TMEM255B: variants seen among roughly 807,000 people sequenced by gnomAD.
The protein encoded by TMEM255B is family with sequence similarity 70, member B.
A neutral mutation model predicts 34.5 loss-of-function variants in TMEM255B; 35 were observed. The ratio of observed to expected loss-of-function variants is 1.01; its 90% CI spans 0.77 to 1.34. The LOEUF (loss-of-function observed/expected upper bound fraction) is 1.34. TMEM255B is among the 40% of genes most tolerant of loss of function. The pLI is 0.00. For missense variants in TMEM255B, 432 were observed against 433.2 expected (o/e 1.00, Z 0.02); for synonymous variants, 206 against 201.2 (o/e 1.02, Z -0.20).
chr13:113,769,954 G>C lies in TMEM255B; in HGVS notation c.252+794G>C, dbSNP rs1033562058. 1 of 152,280 alleles carries C rather than the reference G, an allele frequency of 6.6e-6. No homozygotes were observed. Among genetic ancestry groups the C allele is most frequent in the Non-Finnish European group, 1.5e-5 (1 of 68,168 alleles). 9.4% of individuals were successfully genotyped at this position (152,280 alleles called of 1,614,324 possible). A position where few individuals can be genotyped will look rare whatever the true frequency, so the allele number is the denominator to read the frequency against. ...CTGTCATGTTACTGTATCATCCAGC[G>C]TGCAAATGACCTGTGTCGGGCCCCC... is the stretch of plus-strand genomic sequence containing the variant. On this transcript the variant is annotated intron_variant, in intron 3 of 8. Coordinates refer to ENST00000375353, the MANE Select transcript of TMEM255B (RefSeq NM_182614.4). The surrounding 1 kb of genome is among the most constrained non-coding windows in gnomAD (Gnocchi z 4.2).
At chr13:113,775,757 G>A (rs983150763) in intron 3 of TMEM255B, among the ~76,000 whole-genome samples, 1 of 152,216 alleles carries the variant, frequency 6.6e-6, no homozygotes, top group East Asian at 1.9e-4. Flanking sequence ...GTCCTGCCGG[G>A]CCCACAGCCT....
chr13:113,811,876 G>A lies in TMEM255B; in HGVS notation c.954G>A (p.Gly318=). 1.2e-6 allele frequency: 2 copies of A among 1,613,322 alleles called. No homozygotes were observed. Among genetic ancestry groups the A allele is most frequent in the Non-Finnish European group, 1.7e-6 (2 of 1,179,554 alleles). The change falls in exon 9 of 9, where the codon GGG becomes GGA. Residue 318 remains glycine (G), a synonymous_variant. Coordinates refer to ENST00000375353, the MANE Select transcript of TMEM255B (RefSeq NM_182614.4). Reference sequence around the variant, plus strand: ...ACGCACCCACCTACTTTCCCCCGGGGGAGAAGCCACCCCCCTACGCACCCT... The same window carrying A: ...ACGCACCCACCTACTTTCCCCCGGGAGAGAAGCCACCCCCCTACGCACCCT... ...PCYAPTYFPP[G]EKPPPYAP
chr13:113,803,964 GC>G (rs2051115737), intron 7 of TMEM255B, among the ~76,000 whole-genome samples: 1 of 19,352 alleles, frequency 5.2e-5, no homozygotes, highest in African/African-American at 1.6e-4. Context: ...CCAGCCCCTC[GC>G]AGCGGCTCTG....
intron 3 of TMEM255B, among the ~76,000 whole-genome samples, chr13:113,788,004 G>T (rs1467971428): frequency 8.0e-6 from 1 of 125,330 alleles, no homozygotes; most frequent in Non-Finnish European, 1.7e-5. Context: ...GCAGCTCCAG[G>T]TGTCGGCCAG....
Position 113,762,845 on chromosome 13 carries a change from T to C in TMEM255B, c.47-3270T>C, listed in dbSNP as rs76905507. On this transcript the variant is annotated intron_variant, in intron 1 of 8. Coordinates refer to ENST00000375353, the MANE Select transcript of TMEM255B (RefSeq NM_182614.4). ...CGAAGCAGACGCTGAGTCATCTGGTTAACTATTTTGAGCATAATATTATAT... is the reference window on the plus strand; with the variant it reads ...CGAAGCAGACGCTGAGTCATCTGGTCAACTATTTTGAGCATAATATTATAT... Among the ~76,000 whole-genome samples, 716 of 152,356 alleles carry C rather than the reference T, an allele frequency of 4.7e-3. 1 individual carries two copies. Among genetic ancestry groups the C allele is most frequent in the African/African-American group, 0.016 (683 of 41,572 alleles).
At position 113,806,937 on chromosome 13, in the gene TMEM255B, G is replaced by A. The variant is rs142479538; in HGVS notation, c.813+1909G>A. On this transcript the variant is annotated intron_variant, in intron 8 of 8. Coordinates refer to ENST00000375353, the MANE Select transcript of TMEM255B (RefSeq NM_182614.4). This position sits in a 1 kb window ranked among gnomAD's most constrained non-coding sequence, Gnocchi z 4.2. ...TTGGAATCGCATGGGTGCCAAGAACGTGCAGCCCAGAGCATAGCCTCGGTG... is the reference window on the plus strand; with the variant it reads ...TTGGAATCGCATGGGTGCCAAGAACATGCAGCCCAGAGCATAGCCTCGGTG... Among the ~76,000 whole-genome samples the A allele has an allele frequency of 5.9e-5, 9 of 152,292 alleles. No homozygotes were observed. The East Asian group carries it at 9.6e-4, about 16-fold the overall frequency.
chr13:113,794,870 G>A (rs1004971528), intron 3 of TMEM255B, among the ~76,000 whole-genome samples: 1 of 152,224 alleles, frequency 6.6e-6, no homozygotes, highest in Non-Finnish European at 1.5e-5. Context: ...CTGCCGTCTG[G>A]GGTTGCTTCT....
intron 4 of TMEM255B, among the ~76,000 whole-genome samples, chr13:113,797,100 A>G (rs908423589): frequency 8.5e-5 from 13 of 152,170 alleles, no homozygotes; most frequent in African/African-American, 2.4e-4. Context: ...AGCAGGGTCC[A>G]GTCTCTGACC....
At chr13:113,801,860 C>G in intron 7 of TMEM255B, 48 bp downstream of exon 7, 5 of 1,515,124 alleles carry the variant, frequency 3.3e-6, no homozygotes, top group Non-Finnish European at 3.5e-6. Context: ...AGCCGGGGCT[C>G]CGGGTCCATT....
chr13:113,767,908 G>A (rs1011353404), intron 2 of TMEM255B, among the ~76,000 whole-genome samples: 3 of 152,190 alleles, frequency 2.0e-5, no homozygotes, highest in East Asian at 1.9e-4. Flanking sequence ...TATTTTTGAC[G>A]TGTGGAGTTG....
chr13:113,802,683 C>T (rs553634198), intron 7 of TMEM255B, among the ~76,000 whole-genome samples: 15 of 124,500 alleles, frequency 1.2e-4, no homozygotes, highest in East Asian at 1.2e-3. Flanking sequence ...CAGCTGGGAA[C>T]CCTCCTGCCA....
chr13:113,794,517 G>C (rs183847942), intron 3 of TMEM255B, among the ~76,000 whole-genome samples: 1 of 152,198 alleles, frequency 6.6e-6, no homozygotes, highest in Non-Finnish European at 1.5e-5. Context: ...GCCCAGCGTG[G>C]TACCAAGCCA....
At chr13:113,798,882 ATGGT>A (rs1485970662) in intron 4 of TMEM255B, among the ~76,000 whole-genome samples, 4 of 152,010 alleles carry the variant, frequency 2.6e-5, no homozygotes, top group Admixed American at 2.6e-4. Context: ...GATTGGATGG[ATGGT>A]TGGGTGGGTG....
intron 2 of TMEM255B, 195 bp downstream of exon 2, chr13:113,766,452 C>A: frequency 2.5e-6 from 2 of 801,692 alleles, no homozygotes; most frequent in Non-Finnish European, 4.2e-6. Flanking sequence ...GTGGCAGGTC[C>A]AAGGCAGAGG....
At chr13:113,808,360 G>A (rs1004797570) in intron 8 of TMEM255B, among the ~76,000 whole-genome samples, 4 of 152,190 alleles carry the variant, frequency 2.6e-5, no homozygotes, top group African/African-American at 7.2e-5. Context: ...TTCCTGCCCC[G>A]TTACTAAGAA....
chr13:113,770,163 G>A lies in TMEM255B; in HGVS notation c.252+1003G>A, dbSNP rs140224608. 1.8e-3 allele frequency among the ~76,000 whole-genome samples: 268 copies of A among 152,356 alleles called. 1 individual carries two copies. Among genetic ancestry groups the A allele is most frequent in the African/African-American group, 6.0e-3 (248 of 41,592 alleles). On this transcript the variant is annotated intron_variant, in intron 3 of 8. Coordinates refer to ENST00000375353, the MANE Select transcript of TMEM255B (RefSeq NM_182614.4). The surrounding 1 kb of genome is among the most constrained non-coding windows in gnomAD (Gnocchi z 4.6). ...CTCACAGTTCCACGTGGCTGGGGAA[G>A]CCTCACGATCACGGCGGAAGGTAAG...
Position 113,814,367 on chromosome 13 carries a change from A to G in TMEM255B, c.*2464A>G, listed in dbSNP as rs1183583516. 1.3e-5 allele frequency: 2 copies of G among 152,264 alleles called. No individual in the cohort carries two copies. Among genetic ancestry groups the G allele is most frequent in the South Asian group, 2.1e-4 (1 of 4,834 alleles). 9.4% of individuals were successfully genotyped at this position (152,264 alleles called of 1,614,324 possible). On this transcript the variant is annotated 3_prime_UTR_variant, in exon 9 of 9. Transcript: ENST00000375353. ...GTGCTTCCCCGAGGCTGCACTCACC[A>G]GCTTCCCCCAAACACAACATCGATC...
chr13:113,789,683 G>T (rs1192201994), intron 3 of TMEM255B, among the ~76,000 whole-genome samples: 2 of 152,220 alleles, frequency 1.3e-5, no homozygotes, highest in Non-Finnish European at 2.9e-5. Flanking sequence ...GGCTGTCCTA[G>T]TGCTGACTGA....
chr13:113,765,149 G>C (rs183327388), intron 1 of TMEM255B, among the ~76,000 whole-genome samples: 1 of 152,298 alleles, frequency 6.6e-6, no homozygotes, highest in Non-Finnish European at 1.5e-5. Context: ...TGCTGTGCCG[G>C]GGGCTGTGCT....
Sources: allele counts gnomAD v4.1 joint callset (sites outside exome capture counted in the v4.1 genomes callset), GRCh38; gene constraint gnomAD v4.1.1; non-coding constraint Gnocchi (gnomAD v3.1); transcripts MANE v1.5; gene names NCBI Gene and HGNC (gene_info 2026-07-23, HGNC 2026-07-21).